The following DPYD variants were observed in gnomAD, a reference collection of about 807,000 sequenced individuals.
DPYD encodes dihydropyrimidine dehydrogenase [NADP(+)].
DPYD carries 109 observed loss-of-function variants against 116.2 expected under a neutral mutation model. The observed-to-expected ratio is 0.94, with a 90% CI of 0.80 to 1.10. The LOEUF (loss-of-function observed/expected upper bound fraction) is 1.10. DPYD is among the 50% of genes least tolerant of loss of function. The pLI is 0.00. For synonymous variants in DPYD, 440 were observed against 432.0 expected, an observed-to-expected ratio of 1.02 and a Z score of -0.23; for missense variants, 1,302 against 1,254.5, an observed-to-expected ratio of 1.04 and a Z score of -0.57.
chr1:97,634,902 A>C (rs1270799031), intron 8 of DPYD, among the ~76,000 whole-genome samples: 2 of 151,420 alleles, frequency 1.3e-5, no homozygotes, highest in East Asian at 3.9e-4. Flanking sequence ...TTATCCATCT[A>C]GTTGCAATTG....
At position 97,433,421 on chromosome 1, in the gene DPYD, C is replaced by T. The variant is rs530151053; in HGVS notation, c.1905+16638G>A. On this transcript the variant is annotated intron_variant, in intron 14 of 22. Coordinates refer to ENST00000370192, the MANE Select transcript of DPYD (RefSeq NM_000110.4). ...ACTGGTGTCTCTACAGTGACATCTT[C>T]CTTTCACCATTTCTCCAGGGAGCAA... 9.9e-5 allele frequency among the ~76,000 whole-genome samples: 15 copies of T among 152,250 alleles called. No homozygotes were observed. In the Middle Eastern group the frequency reaches 0.014, roughly 138 times the overall value.
Position 97,744,062 on chromosome 1 carries a change from G to C in DPYD, c.234-3583C>G, listed in dbSNP as rs557285454. 1.1e-4 allele frequency among the ~76,000 whole-genome samples: 17 copies of C among 151,952 alleles called. No individual in the cohort carries two copies. In the East Asian group the frequency reaches 2.5e-3, roughly 22 times the overall value. Reference sequence around the variant, plus strand: ...AAAGCATAACAATGAATTTGTCGAAGAGCAAAATATAGAATACTTAATCAA... The same window carrying C: ...AAAGCATAACAATGAATTTGTCGAACAGCAAAATATAGAATACTTAATCAA... On this transcript the variant is annotated intron_variant, in intron 3 of 22. Coordinates refer to ENST00000370192, the MANE Select transcript of DPYD (RefSeq NM_000110.4).
chr1:97,582,267 T>C (rs930681765), intron 10 of DPYD, among the ~76,000 whole-genome samples: 5 of 152,238 alleles, frequency 3.3e-5, no homozygotes, highest in African/African-American at 9.6e-5. Flanking sequence ...TGCAGCAAGA[T>C]AGAACCTGAG....
In DPYD at chr1:97,323,555, A is replaced by T. The variant is rs1213134101; in HGVS notation, c.2059-17258T>A. Among the ~76,000 whole-genome samples, 8 of 105,582 alleles carry T rather than the reference A, an allele frequency of 7.6e-5. 2 individuals are homozygous for T. The highest frequency in any genetic ancestry group is 1.4e-4 in the Non-Finnish European group (7 of 50,284). 69.3% of individuals were successfully genotyped at this position (105,582 alleles called of 152,430 possible). On this transcript the variant is annotated intron_variant, in intron 16 of 22. Transcript: ENST00000370192. ...ATATACATATCATATATATACATATATGTGTATATATACACGTATATATAC... is the reference window on the plus strand; with the variant it reads ...ATATACATATCATATATATACATATTTGTGTATATATACACGTATATATAC...
intron 6 of DPYD, among the ~76,000 whole-genome samples, chr1:97,698,631 A>G (rs1309440386): frequency 6.6e-6 from 1 of 151,924 alleles, no homozygotes; most frequent in East Asian, 1.9e-4. Flanking sequence ...GATAATATAC[A>G]TAGAGAAAAT....
chr1:97,803,635 G>T (rs1667943493), intron 3 of DPYD, among the ~76,000 whole-genome samples: 1 of 151,710 alleles, frequency 6.6e-6, no homozygotes, highest in African/African-American at 2.4e-5. Flanking sequence ...TTAAGAAAAA[G>T]ATTAACAGCA....
intron 14 of DPYD, among the ~76,000 whole-genome samples, chr1:97,438,514 G>T (rs1332785363): frequency 6.6e-6 from 1 of 151,642 alleles, no homozygotes; most frequent in African/African-American, 2.4e-5. Context: ...GTTGTTTATT[G>T]CTTGCATATA....
intron 3 of DPYD, among the ~76,000 whole-genome samples, chr1:97,744,450 T>C (rs1034675975): frequency 6.8e-6 from 1 of 146,090 alleles, no homozygotes; most frequent in African/African-American, 2.4e-5. Flanking sequence ...AGATAAAAAA[T>C]AATAATAAAA....
intron 18 of DPYD, among the ~76,000 whole-genome samples, chr1:97,276,762 T>C (rs1237342930): frequency 6.6e-6 from 1 of 151,554 alleles, no homozygotes; most frequent in African/African-American, 2.4e-5. Context: ...TTGGTGAGAA[T>C]GTAAATTAGT....
At chr1:97,321,991 A>G (rs1391321544) in intron 16 of DPYD, among the ~76,000 whole-genome samples, 1 of 77,910 alleles carries the variant, frequency 1.3e-5, no homozygotes, top group African/African-American at 4.4e-5. Flanking sequence ...AGAACAAAAA[A>G]ACAAACACCG....
chr1:97,805,502 T>G (rs763460371), intron 3 of DPYD, among the ~76,000 whole-genome samples: 2 of 151,890 alleles, frequency 1.3e-5, no homozygotes, highest in Non-Finnish European at 2.9e-5. Flanking sequence ...GTTGCTTATA[T>G]TCAATCAATC....
intron 19 of DPYD, among the ~76,000 whole-genome samples, chr1:97,228,698 A>C (rs1351752138): frequency 6.6e-6 from 1 of 152,210 alleles, no homozygotes. Context: ...ACCTGCTATA[A>C]AGAATTCATT....
At chr1:97,859,708 C>G (rs1308711623) in intron 2 of DPYD, among the ~76,000 whole-genome samples, 1 of 152,114 alleles carries the variant, frequency 6.6e-6, no homozygotes, top group East Asian at 1.9e-4. Context: ...GGATTCCTTT[C>G]TCTAAGTCTC....
chr1:97,383,475 C>CAAAA (rs796302274), intron 14 of DPYD, among the ~76,000 whole-genome samples: 1 of 80,278 alleles, frequency 1.2e-5, no homozygotes, highest in Non-Finnish European at 2.6e-5. Context: ...GACTCTGTCT[C>CAAAA]AAAAAAAAAA....
At chr1:97,147,032 A>G (rs1654682681) in intron 20 of DPYD, among the ~76,000 whole-genome samples, 1 of 152,164 alleles carries the variant, frequency 6.6e-6, no homozygotes, top group Admixed American at 6.5e-5. Flanking sequence ...GATAATTTAC[A>G]TGGAAGGAAG....
At chr1:97,594,606 G>T (rs1654749689) in intron 9 of DPYD, among the ~76,000 whole-genome samples, 1 of 152,082 alleles carries the variant, frequency 6.6e-6, no homozygotes, top group South Asian at 2.1e-4. Flanking sequence ...CATTCAGGTG[G>T]TTCTTCTTGG....
At chr1:97,756,947 G>C (rs1665281923) in intron 3 of DPYD, among the ~76,000 whole-genome samples, 1 of 152,076 alleles carries the variant, frequency 6.6e-6, no homozygotes, top group African/African-American at 2.4e-5. Flanking sequence ...AGCATTAGGT[G>C]TCATCTCCGT....
At chr1:97,592,216 T>C (rs1411223482) in intron 10 of DPYD, among the ~76,000 whole-genome samples, 1 of 152,238 alleles carries the variant, frequency 6.6e-6, no homozygotes, top group Non-Finnish European at 1.5e-5. Context: ...ATACATTTGG[T>C]TCTTGTTCTC....
At chr1:97,527,113 C>T (rs977383910) in intron 12 of DPYD, among the ~76,000 whole-genome samples, 2 of 150,410 alleles carry the variant, frequency 1.3e-5, no homozygotes, top group African/African-American at 4.9e-5. Flanking sequence ...GTGTGTTGCT[C>T]TGTCGCCCAG....
Sources: gnomAD v4.1 joint callset for allele counts (sites outside exome capture counted in the v4.1 genomes callset) on GRCh38, gnomAD v4.1.1 for gene constraint, MANE v1.5 for transcripts, NCBI Gene and HGNC (gene_info 2026-07-23, HGNC 2026-07-21) for gene names.